SMAD9: variants seen among roughly 807,000 people sequenced by gnomAD.
SMAD9 encodes the protein MAD homolog 9.
Under a neutral mutation model 46.1 loss-of-function variants are expected in SMAD9, and 36 were observed. The observed-to-expected ratio is 0.78, with a 90% CI of 0.60 to 1.03. The LOEUF is 1.03. Ranked by LOEUF, SMAD9 falls within the 50% of genes least tolerant of loss-of-function variation. The pLI is 0.00. For synonymous variants in SMAD9, 245 were observed against 237.1 expected, an observed-to-expected ratio of 1.03 and a Z score of -0.31; for missense variants, 572 against 599.8, an observed-to-expected ratio of 0.95 and a Z score of 0.48.
chr13:36,907,750 C>T (rs983423524), intron 1 of SMAD9, among the ~76,000 whole-genome samples: 1 of 152,122 alleles, frequency 6.6e-6, no homozygotes, highest in Non-Finnish European at 1.5e-5. Context: ...AAAATCCTAT[C>T]CAAATGTTAT....
chr13:36,860,735 G>A (rs2058173367), intron 5 of SMAD9, among the ~76,000 whole-genome samples: 1 of 151,888 alleles, frequency 6.6e-6, no homozygotes, highest in Non-Finnish European at 1.5e-5. Flanking sequence ...TTACAGGCAT[G>A]AGCCACCACG....
chr13:36,903,284 A>G (rs2058593127), intron 1 of SMAD9, among the ~76,000 whole-genome samples: 1 of 151,470 alleles, frequency 6.6e-6, no homozygotes, highest in Non-Finnish European at 1.5e-5. Flanking sequence ...GCGCCACCAC[A>G]CCAGGCAAAT....
chr13:36,877,503 GATTT>G (rs10552391), intron 2 of SMAD9, among the ~76,000 whole-genome samples: 30,517 of 152,040 alleles, frequency 0.2, 3,192 homozygotes, highest in East Asian at 0.32. Flanking sequence ...AGACAGAAAT[GATTT>G]ATTAATGAAC....
At chr13:36,896,257 C>T (rs1056350895) in intron 1 of SMAD9, among the ~76,000 whole-genome samples, 1 of 151,968 alleles carries the variant, frequency 6.6e-6, no homozygotes, top group Non-Finnish European at 1.5e-5. Context: ...CTCAGCCTCC[C>T]GAGTAGCTAG....
At chr13:36,908,174 T>C (rs1055076627) in intron 1 of SMAD9, among the ~76,000 whole-genome samples, 9 of 152,242 alleles carry the variant, frequency 5.9e-5, no homozygotes, top group Admixed American at 4.6e-4. Flanking sequence ...GGAGAAAATA[T>C]GGAACAATCT....
intron 6 of SMAD9, among the ~76,000 whole-genome samples, chr13:36,852,938 AC>A (rs2058086629): frequency 6.6e-6 from 1 of 152,264 alleles, no homozygotes; most frequent in African/African-American, 2.4e-5. Flanking sequence ...TAATTGCTAA[AC>A]AAGACAGTTT....
chr13:36,862,405 T>C (rs1162229610), intron 5 of SMAD9, among the ~76,000 whole-genome samples: 1 of 152,174 alleles, frequency 6.6e-6, no homozygotes, highest in African/African-American at 2.4e-5. Context: ...TCACTGCTCA[T>C]TATATGCTAA....
intron 3 of SMAD9, among the ~76,000 whole-genome samples, chr13:36,867,642 C>A (rs1306382452): frequency 6.6e-6 from 1 of 152,192 alleles, no homozygotes; most frequent in East Asian, 1.9e-4. Context: ...GTTCTAATGA[C>A]TTCAGGGCAA....
chr13:36,893,423 T>A (rs2058504152), intron 1 of SMAD9, among the ~76,000 whole-genome samples: 1 of 147,398 alleles, frequency 6.8e-6, no homozygotes, highest in South Asian at 2.1e-4. Context: ...CACAGATATA[T>A]ATATAAATAT....
At chr13:36,850,336 T>C (rs1419859552) in intron 6 of SMAD9, among the ~76,000 whole-genome samples, 1 of 152,184 alleles carries the variant, frequency 6.6e-6, no homozygotes, top group African/African-American at 2.4e-5. Flanking sequence ...TCTTTAAATG[T>C]TGAAGTGTCC....
upstream of SMAD9, among the ~76,000 whole-genome samples, chr13:36,920,472 G>A (rs985096057): frequency 6.6e-6 from 1 of 151,846 alleles, no homozygotes; most frequent in South Asian, 2.1e-4. Flanking sequence ...GCGGCCTGCG[G>A]CTCGGTTCCC....
intron 4 of SMAD9, among the ~76,000 whole-genome samples, chr13:36,866,033 G>C (rs1425844497): frequency 6.6e-6 from 1 of 152,140 alleles, no homozygotes. Context: ...GAAGGGGCCA[G>C]GGAAAACATG....
At position 36,879,832 on chromosome 13, in the gene SMAD9, AGT is replaced by A; in HGVS notation, c.-145_-144del. ...CAGCTGGGACCAATTCAAGTTGCGAAGTGTGTTGACTTTCTCCTAAGCCCTTG... is the reference window on the plus strand; with the variant it reads ...CAGCTGGGACCAATTCAAGTTGCGAAGTGTTGACTTTCTCCTAAGCCCTTG... On this transcript the variant is annotated 5_prime_UTR_variant, in exon 2 of 7. Transcript: ENST00000379826. The A allele has an allele frequency of 2.3e-6, 2 of 862,774 alleles. No individual in the cohort carries two copies. Among genetic ancestry groups the A allele is most frequent in the Non-Finnish European group, 3.6e-6 (2 of 548,368 alleles). The allele number at this position is 862,774 out of a possible 1,614,324, so 53.4% of individuals were successfully genotyped here.
intron 1 of SMAD9, among the ~76,000 whole-genome samples, chr13:36,896,144 T>C (rs1162339982): frequency 1.5e-4 from 19 of 123,430 alleles, no homozygotes; most frequent in Non-Finnish European, 1.1e-4. Flanking sequence ...TATTTATTTA[T>C]TTATTTGAGA....
intron 1 of SMAD9, among the ~76,000 whole-genome samples, chr13:36,916,767 A>T (rs1267720097): frequency 6.6e-6 from 1 of 151,708 alleles, no homozygotes; most frequent in Non-Finnish European, 1.5e-5. Flanking sequence ...AGGAGCTCGA[A>T]GGAGGACATA....
chr13:36,867,457 T>C, intron 3 of SMAD9, 74 bp from the exon 4 acceptor site: 1 of 1,025,246 alleles, frequency 9.8e-7, no homozygotes, highest in Non-Finnish European at 1.5e-6. Context: ...CCGACATCTT[T>C]TGCCATTAAA....
chr13:36,857,824 C>T (rs1440751664), intron 5 of SMAD9, among the ~76,000 whole-genome samples: 1 of 152,236 alleles, frequency 6.6e-6, no homozygotes, highest in East Asian at 1.9e-4. Flanking sequence ...CTCCACTCCT[C>T]TTAGGACAAA....
At chr13:36,903,739 G>A (rs1017061077) in intron 1 of SMAD9, among the ~76,000 whole-genome samples, 12 of 152,006 alleles carry the variant, frequency 7.9e-5, no homozygotes, top group Non-Finnish European at 1.3e-4. Flanking sequence ...AAGTAACATA[G>A]TGACCTTTTT....
intron 2 of SMAD9, among the ~76,000 whole-genome samples, chr13:36,877,190 C>T (rs1289127554): frequency 1.3e-5 from 2 of 152,046 alleles, no homozygotes; most frequent in East Asian, 1.9e-4. Context: ...GGTGAAACCC[C>T]GTCTCTACTA....
Sources: allele counts gnomAD v4.1 joint callset (sites outside exome capture counted in the v4.1 genomes callset), GRCh38; gene constraint gnomAD v4.1.1; transcripts MANE v1.5; gene names NCBI Gene and HGNC (gene_info 2026-07-23, HGNC 2026-07-21).